ECSIT: variants seen among roughly 807,000 people sequenced by gnomAD.
The protein encoded by ECSIT is ECSIT signaling integrator, also known as evolutionarily conserved signaling intermediate in Toll pathway, mitochondrial.
In ECSIT, 29 loss-of-function variants were observed where a neutral mutation model predicts 36.8. The observed-to-expected ratio is 0.79, with a 90% CI of 0.59 to 1.08. The LOEUF (loss-of-function observed/expected upper bound fraction) is 1.08, where lower values mean the gene tolerates loss of function less well. Ranked by LOEUF, ECSIT falls within the 50% of genes least tolerant of loss-of-function variation. The pLI, the probability that ECSIT is intolerant of heterozygous loss-of-function variation, is 0.00. For missense variants in ECSIT, 542 were observed against 581.0 expected (o/e 0.93, Z 0.69); for synonymous variants, 231 against 234.8 (o/e 0.98, Z 0.15).
intron 2 of ECSIT, among the ~76,000 whole-genome samples, chr19:11,515,416 C>T (rs563700119): frequency 2.0e-5 from 3 of 151,500 alleles, no homozygotes; most frequent in South Asian, 4.2e-4. Context: ...CACCTTAAGT[C>T]TTGAGATTAC....
Position 11,519,933 on chromosome 19 carries a change from C to T in ECSIT, c.-23-740G>A, listed in dbSNP as rs1972067840. The T allele has an allele frequency of 6.8e-6, 1 of 147,498 alleles. No individual in the cohort carries two copies. Among genetic ancestry groups the T allele is most frequent in the South Asian group, 2.2e-4 (1 of 4,588 alleles). 9.1% of individuals were successfully genotyped at this position (147,498 alleles called of 1,614,324 possible). On this transcript the variant is annotated intron_variant, in intron 1 of 7. Transcript: ENST00000270517. The surrounding 1 kb of genome is among the most constrained non-coding windows in gnomAD (Gnocchi z 4.4). ...GCAGTGAGCCAAGATGATGCCATTA[C>T]ACCTCAGCCTGGGGAACAACAGCAA...
At chr19:11,515,134 C>G (rs1477728417) in intron 2 of ECSIT, among the ~76,000 whole-genome samples, 1 of 142,986 alleles carries the variant, frequency 7.0e-6, no homozygotes, top group African/African-American at 2.8e-5. Flanking sequence ...GACAGAGTCT[C>G]GCTTTGTCAC....
chr19:11,510,948 C>G (rs1971858579), intron 4 of ECSIT, among the ~76,000 whole-genome samples: 1 of 151,922 alleles, frequency 6.6e-6, no homozygotes, highest in African/African-American at 2.4e-5. Context: ...CCCCCCACCC[C>G]CGGCATAGCT....
chr19:11,522,379 C>A, intron 1 of ECSIT: 1 of 905,054 alleles, frequency 1.1e-6, no homozygotes, highest in East Asian at 2.5e-5. Context: ...CAGCAAGTCC[C>A]ACCGGCTGGC....
intron 1 of ECSIT, among the ~76,000 whole-genome samples, chr19:11,524,622 G>C (rs147917974): frequency 6.6e-6 from 1 of 150,684 alleles, no homozygotes; most frequent in South Asian, 2.1e-4. Flanking sequence ...GATCACTTGA[G>C]CCCGGGAGAT....
Position 11,521,786 on chromosome 19 carries a change from A to G in ECSIT, c.-23-2593T>C, listed in dbSNP as rs141794235. 8.3e-4 allele frequency among the ~76,000 whole-genome samples: 124 copies of G among 149,600 alleles called. 1 individual carries two copies. Among genetic ancestry groups the G allele is most frequent in the African/African-American group, 2.9e-3 (119 of 40,522 alleles). ...GGAAGACTCTGTCTGAAAAATAAGA[A>G]TAAGACCAGGTGTGGTGGCTCACGC... is the stretch of plus-strand genomic sequence containing the variant. On this transcript the variant is annotated intron_variant, in intron 1 of 7. Coordinates refer to ENST00000270517, the MANE Select transcript of ECSIT (RefSeq NM_016581.5).
In ECSIT at chr19:11,506,276, T is replaced by C. The variant is rs763406367; in HGVS notation, c.1204A>G (p.Thr402Ala). 1 of 1,612,048 alleles carries C rather than the reference T, an allele frequency of 6.2e-7. No individual in the cohort carries two copies. The highest frequency in any genetic ancestry group is 8.5e-7 in the Non-Finnish European group (1 of 1,179,832). The change falls in exon 8 of 8, where the codon ACA becomes GCA. Residue 402 changes from threonine to alanine, a missense_variant. Coordinates refer to ENST00000270517, the MANE Select transcript of ECSIT (RefSeq NM_016581.5). ...GGCTCCTCCAGCCCTGCAGAGGATG[T>C]CTGGAGCTCCCGGGTGGACCCGGCG... ...RLAGSTRELQ[T>A]SSAGLEEPPL...
chr19:11,515,476 G>A (rs1971979768), intron 2 of ECSIT, among the ~76,000 whole-genome samples: 1 of 150,586 alleles, frequency 6.6e-6, no homozygotes, highest in African/African-American at 2.4e-5. Flanking sequence ...TTTTTTTCTT[G>A]AGACAGAGTT....
intron 4 of ECSIT, among the ~76,000 whole-genome samples, chr19:11,509,741 A>C (rs950327125): frequency 2.0e-5 from 3 of 151,810 alleles, no homozygotes; most frequent in African/African-American, 7.3e-5. Context: ...GCACTCCAGC[A>C]TGGGCGACAG....
chr19:11,523,388 G>A (rs189831850), intron 1 of ECSIT: 35 of 488,730 alleles, frequency 7.2e-5, no homozygotes, highest in Non-Finnish European at 1.1e-4. Context: ...GCGCGGAGGC[G>A]GAGGCTTGGG....
In ECSIT at chr19:11,507,193, G is replaced by C. The variant is rs538741940; in HGVS notation, c.1051+264C>G. Among the ~76,000 whole-genome samples, 20 of 152,218 alleles carry C rather than the reference G, an allele frequency of 1.3e-4. No homozygotes were observed. In the East Asian group the frequency reaches 3.9e-3, roughly 29 times the overall value. On this transcript the variant is annotated intron_variant, in intron 7 of 7. Coordinates refer to ENST00000270517, the MANE Select transcript of ECSIT (RefSeq NM_016581.5). ...GAGGGTGTAAGTGGACTGCGTCTCAGCCTGGGCCTACCCCTTGACCCCAGA... is the reference window on the plus strand; with the variant it reads ...GAGGGTGTAAGTGGACTGCGTCTCACCCTGGGCCTACCCCTTGACCCCAGA...
chr19:11,523,856 A>G, intron 1 of ECSIT: 1 of 537,622 alleles, frequency 1.9e-6, no homozygotes, highest in East Asian at 4.3e-5. Flanking sequence ...GGCTCACATA[A>G]AAAAATAAGT....
chr19:11,505,995 T>G lies in ECSIT; in HGVS notation c.*189A>C. On this transcript the variant is annotated 3_prime_UTR_variant, in exon 8 of 8. Coordinates refer to ENST00000270517, the MANE Select transcript of ECSIT (RefSeq NM_016581.5). ...TCGGAGAACCAGAGGCGCCTGCAGA[T>G]TCTGGAGGGGTCTCGCCTGCCCATC... 1.9e-6 allele frequency: 2 copies of G among 1,049,978 alleles called. No homozygotes were observed. Among genetic ancestry groups the G allele is most frequent in the Non-Finnish European group, 2.7e-6 (2 of 732,036 alleles). The allele number at this position is 1,049,978 out of a possible 1,614,324, so 65.0% of individuals were successfully genotyped here. A position where few individuals can be genotyped will look rare whatever the true frequency, so the allele number is the denominator to read the frequency against.
intron 6 of ECSIT, 44 bp from the exon 7 acceptor site, chr19:11,507,606 T>G (rs73512787): frequency 0.027 from 44,234 of 1,612,256 alleles, 1,190 homozygotes; most frequent in African/African-American, 0.12. Context: ...AGGCCAGGGC[T>G]CTCTCGGTCT....
intron 1 of ECSIT, among the ~76,000 whole-genome samples, chr19:11,525,000 G>A (rs1466591449): frequency 6.6e-6 from 1 of 152,020 alleles, no homozygotes; most frequent in African/African-American, 2.4e-5. Context: ...AGCGGGACAG[G>A]GTGGCGGGCG....
At chr19:11,512,744 G>C (rs1293445021) in intron 4 of ECSIT, among the ~76,000 whole-genome samples, 2 of 152,076 alleles carry the variant, frequency 1.3e-5, no homozygotes, top group African/African-American at 4.8e-5. Context: ...AGGCCAGCCT[G>C]GGCAATATAG....
In ECSIT at chr19:11,506,134, C is replaced by T; in HGVS notation, c.*50G>A. ...ACACTCAAAGGGCATCTCATGCCTT[C>T]AGTCCACCGCCTCCTCGGGCCACAG... On this transcript the variant is annotated 3_prime_UTR_variant, in exon 8 of 8. Coordinates refer to ENST00000270517, the MANE Select transcript of ECSIT (RefSeq NM_016581.5). 6.3e-7 allele frequency: 1 copy of T among 1,592,010 alleles called. No homozygotes were observed. The highest frequency in any genetic ancestry group is 8.5e-7 in the Non-Finnish European group (1 of 1,175,190).
At chr19:11,523,200 T>C (rs961697736) in intron 1 of ECSIT, among the ~76,000 whole-genome samples, 1 of 152,238 alleles carries the variant, frequency 6.6e-6, no homozygotes, top group Non-Finnish European at 1.5e-5. Flanking sequence ...GTGAAGACGA[T>C]GAGAATGAAG....
At chr19:11,508,560 T>G (rs1327800978) in intron 4 of ECSIT, among the ~76,000 whole-genome samples, 1 of 151,900 alleles carries the variant, frequency 6.6e-6, no homozygotes, top group Non-Finnish European at 1.5e-5. Flanking sequence ...TAATTTTATT[T>G]TTTTAATTTT....
Sources: gnomAD v4.1 joint callset for allele counts (sites outside exome capture counted in the v4.1 genomes callset) on GRCh38, gnomAD v4.1.1 for gene constraint, Gnocchi (gnomAD v3.1) non-coding constraint, MANE v1.5 for transcripts, NCBI Gene and HGNC (gene_info 2026-07-23, HGNC 2026-07-21) for gene names.